CD84: variants seen among roughly 807,000 people sequenced by gnomAD.
The protein encoded by CD84 is CD84 molecule, also known as SLAM family member 5.
A neutral mutation model predicts 33.8 loss-of-function variants in CD84; 22 were observed. That is an observed-to-expected ratio of 0.65 (90% CI 0.46 to 0.93). CD84 has a LOEUF of 0.93. Among genes scored for constraint, CD84 ranks in the 40% least tolerant of loss-of-function variants. The pLI, the probability that CD84 is intolerant of heterozygous loss-of-function variation, is 0.00. For synonymous variants in CD84, 154 were observed against 145.2 expected (o/e 1.06, Z -0.44); for missense variants, 400 against 397.6 (o/e 1.01, Z -0.05).
chr1:160,565,506 T>C lies in CD84; in HGVS notation c.286A>G (p.Ile96Val). 1 of 1,614,024 alleles carries C rather than the reference T, an allele frequency of 6.2e-7. No individual in the cohort carries two copies. Among genetic ancestry groups the C allele is most frequent in the Non-Finnish European group, 8.5e-7 (1 of 1,179,916 alleles). Residue 96 changes from isoleucine to valine, a missense_variant, in exon 2 of 7, where the codon ATT (isoleucine) becomes GTT (valine). By Grantham distance (29) the Ile-to-Val change is conservative. Transcript: ENST00000368054. ...GCGTCTTCCATCCTCAGATCGCTAA[T>C]GACCAGATTGTAGTTCGGACCTAAG... ...HALGPNYNLV[I>V]SDLRMEDAGD... is the part of the protein sequence containing the mutation.
chr1:160,579,306 A>G, intron 1 of CD84, 86 bp downstream of exon 1: 1 of 1,593,374 alleles, frequency 6.3e-7, no homozygotes, highest in South Asian at 1.1e-5. Context: ...AACACAGATC[A>G]AAAAGACAGT....
At position 160,545,652 on chromosome 1, in the gene CD84, C is replaced by T. The variant is rs966050378; in HGVS notation, c.*2604G>A. 2 of 152,290 alleles carry T rather than the reference C, an allele frequency of 1.3e-5. No homozygotes were observed. Among genetic ancestry groups the T allele is most frequent in the Non-Finnish European group, 1.5e-5 (1 of 68,046 alleles). 9.4% of individuals were successfully genotyped at this position (152,290 alleles called of 1,614,324 possible). On this transcript the variant is annotated 3_prime_UTR_variant, in exon 7 of 7. Transcript: ENST00000368054. ...TTTATTTTATTTTTATTTTTTGAGA[C>T]ATGGTCTCACTCTGTTGCCCAGCCT...
At position 160,554,185 on chromosome 1, in the gene CD84, C is replaced by T. The variant is rs747638264; in HGVS notation, c.389-39G>A. On this transcript the variant is annotated intron_variant, in intron 2 of 6. Coordinates refer to ENST00000368054, the MANE Select transcript of CD84 (RefSeq NM_003874.4). ...CACATGAGCCAATAGTGAGCTGGAG[C>T]TGGCTTGTACTAGTTTGTGGGAGCC... is the stretch of plus-strand genomic sequence containing the variant. The T allele has an allele frequency of 5.9e-6, 9 of 1,528,756 alleles. No individual in the cohort carries two copies. The Middle Eastern group carries it at 5.3e-4, about 90-fold the overall frequency. The allele number at this position is 1,528,756 out of a possible 1,614,324, so 94.7% of individuals were successfully genotyped here.
intron 2 of CD84, among the ~76,000 whole-genome samples, chr1:160,564,682 T>G (rs1274185390): frequency 6.6e-6 from 1 of 152,202 alleles, no homozygotes; most frequent in South Asian, 2.1e-4. Flanking sequence ...TCCTTCATTA[T>G]TCCATCTACA....
chr1:160,550,648 G>A lies in CD84; in HGVS notation c.858+290C>T, dbSNP rs982071207. On this transcript the variant is annotated intron_variant, in intron 5 of 6. Transcript: ENST00000368054. ...GCTCCTCTGTTGTGTGGCCCCTCTA[G>A]GGGGCGCCTTGCTCCTAGTCATGGC... 141 of 985,362 alleles carry A rather than the reference G, an allele frequency of 1.4e-4. 1 individual carries two copies. The Middle Eastern group carries it at 3.1e-3, about 22-fold the overall frequency. The allele number at this position is 985,362 out of a possible 1,614,324, so 61.0% of individuals were successfully genotyped here.
At chr1:160,573,238 G>A (rs1022938527) in intron 1 of CD84, among the ~76,000 whole-genome samples, 2 of 152,124 alleles carry the variant, frequency 1.3e-5, no homozygotes, top group African/African-American at 2.4e-5. Flanking sequence ...ACTCATGAGA[G>A]GAAAATTCTT....
rs1394896538 is a variant in CD84 at position 160,547,853 on chromosome 1, C to CCTTCTCCCACAGTTACTGT, written c.*402_*403insACAGTAACTGTGGGAGAAG. 1 of 231,232 alleles carries CCTTCTCCCACAGTTACTGT rather than the reference C, an allele frequency of 4.3e-6. No homozygotes were observed. Among genetic ancestry groups the CCTTCTCCCACAGTTACTGT allele is most frequent in the African/African-American group, 2.3e-5 (1 of 43,588 alleles). The allele number at this position is 231,232 out of a possible 1,614,324, so 14.3% of individuals were successfully genotyped here. A position where few individuals can be genotyped will look rare whatever the true frequency, so the allele number is the denominator to read the frequency against. On this transcript the variant is annotated 3_prime_UTR_variant, in exon 7 of 7. Coordinates refer to ENST00000368054, the MANE Select transcript of CD84 (RefSeq NM_003874.4). ...TTACAGGTGTGCAAAATATTGATCCCCTTCTCCCACAGTTACTGGGCAGGG... is the reference window on the plus strand; with the variant it reads ...TTACAGGTGTGCAAAATATTGATCCCCTTCTCCCACAGTTACTGTCTTCTCCCACAGTTACTGGGCAGGG...
At position 160,559,179 on chromosome 1, in the gene CD84, A is replaced by G. The variant is rs553018643; in HGVS notation, c.389-5033T>C. Among the ~76,000 whole-genome samples the G allele has an allele frequency of 6.6e-5, 10 of 152,278 alleles. No individual in the cohort carries two copies. The East Asian group carries it at 1.9e-3, about 29-fold the overall frequency. ...AAAATCAACCCCAGGACACGTAATCATCAGATTCTCCAAGGTCGAAATGAA... is the reference window on the plus strand; with the variant it reads ...AAAATCAACCCCAGGACACGTAATCGTCAGATTCTCCAAGGTCGAAATGAA... On this transcript the variant is annotated intron_variant, in intron 2 of 6. Coordinates refer to ENST00000368054, the MANE Select transcript of CD84 (RefSeq NM_003874.4).
At position 160,571,164 on chromosome 1, in the gene CD84, T is replaced by C. The variant is rs367753193; in HGVS notation, c.47-5419A>G. The C allele has an allele frequency of 2.0e-5, 3 of 152,104 alleles. No individual in the cohort carries two copies. The South Asian group carries it at 6.2e-4, about 31-fold the overall frequency. The allele number at this position is 152,104 out of a possible 1,614,324, so 9.4% of individuals were successfully genotyped here. A position where few individuals can be genotyped will look rare whatever the true frequency, so the allele number is the denominator to read the frequency against. On this transcript the variant is annotated intron_variant, in intron 1 of 6. Transcript: ENST00000368054. ...ATTTTAGTGTCTCTGGTACTTACTG[T>C]AACACTGAAATCCAGCGGGTTTAGA...
At chr1:160,555,423 G>A (rs1656547023) in intron 2 of CD84, among the ~76,000 whole-genome samples, 1 of 152,046 alleles carries the variant, frequency 6.6e-6, no homozygotes, top group South Asian at 2.1e-4. Flanking sequence ...GTTTTCTGGT[G>A]TATGTATATT....
At chr1:160,573,499 A>T (rs1162961265) in intron 1 of CD84, among the ~76,000 whole-genome samples, 1 of 152,160 alleles carries the variant, frequency 6.6e-6, no homozygotes, top group Admixed American at 6.5e-5. Context: ...TCTGTTCTGT[A>T]AACAGGCCAA....
chr1:160,562,208 A>G (rs1336979588), intron 2 of CD84, among the ~76,000 whole-genome samples: 1 of 152,212 alleles, frequency 6.6e-6, no homozygotes, highest in Admixed American at 6.5e-5. Context: ...GACATTCTTC[A>G]TAGAATTAGA....
chr1:160,558,869 G>A (rs144638351), intron 2 of CD84, among the ~76,000 whole-genome samples: 29 of 152,152 alleles, frequency 1.9e-4, no homozygotes, highest in African/African-American at 7.0e-4. Context: ...ACCAAGTGGA[G>A]GAAAGAATCA....
intron 1 of CD84, among the ~76,000 whole-genome samples, chr1:160,570,586 C>T (rs1338988285): frequency 6.6e-6 from 1 of 152,176 alleles, no homozygotes; most frequent in African/African-American, 2.4e-5. Flanking sequence ...GGGAACCTGG[C>T]ATGGTGGCTC....
chr1:160,553,911 G>A lies in CD84; in HGVS notation c.624C>T (p.Ala208=). Residue 208 remains alanine (A), a synonymous_variant, in exon 3 of 7, where the codon GCC becomes GCT. Transcript: ENST00000368054. Reference sequence around the variant, plus strand: ...GCTGGTTACCTGCACAGAGCTGCCGGGCAGAGATGGAGTCAGAATTGTTGC... The same window carrying A: ...GCTGGTTACCTGCACAGAGCTGCCGAGCAGAGATGGAGTCAGAATTGTTGC... ...PVSNNSDSIS[A]RQLCADIAMG... 1.2e-6 allele frequency: 2 copies of A among 1,614,150 alleles called. No homozygotes were observed. Among genetic ancestry groups the A allele is most frequent in the African/African-American group, 2.7e-5 (2 of 75,030 alleles).
intron 4 of CD84, among the ~76,000 whole-genome samples, chr1:160,552,218 T>C (rs1656278882): frequency 6.6e-6 from 1 of 152,216 alleles, no homozygotes; most frequent in African/African-American, 2.4e-5. Flanking sequence ...TAGCCCTTTC[T>C]CTTCCCAAGA....
intron 6 of CD84, 40 bp downstream of exon 6, chr1:160,549,877 G>T (rs200553834): frequency 7.5e-6 from 11 of 1,469,906 alleles, no homozygotes; most frequent in Non-Finnish European, 1.0e-5. Flanking sequence ...ATGGCTGGAA[G>T]AGTTAGGAAA....
At chr1:160,566,669 G>T (rs1007289955) in intron 1 of CD84, among the ~76,000 whole-genome samples, 1 of 152,150 alleles carries the variant, frequency 6.6e-6, no homozygotes, top group Non-Finnish European at 1.5e-5. Context: ...TACCAATGTT[G>T]ATCAGATAAC....
At chr1:160,562,909 C>T (rs1262089659) in intron 2 of CD84, among the ~76,000 whole-genome samples, 1 of 151,848 alleles carries the variant, frequency 6.6e-6, no homozygotes, top group Non-Finnish European at 1.5e-5. Flanking sequence ...CACACACAGC[C>T]CCATTAAAAA....
Sources: allele counts gnomAD v4.1 joint callset (sites outside exome capture counted in the v4.1 genomes callset), GRCh38; gene constraint gnomAD v4.1.1; transcripts MANE v1.5; gene names NCBI Gene and HGNC (gene_info 2026-07-23, HGNC 2026-07-21).